The following POLR3B variants were observed in gnomAD, a reference collection of about 807,000 sequenced individuals.
POLR3B encodes DNA-directed RNA polymerase III subunit RPC2.
In POLR3B, 96 loss-of-function variants were observed where a neutral mutation model predicts 147.4. The observed-to-expected ratio is 0.65, with a 90% confidence interval of 0.55 to 0.77. The LOEUF is 0.77. POLR3B is among the 30% of genes least tolerant of loss of function. The pLI, the probability that POLR3B is intolerant of heterozygous loss-of-function variation, is 0.00. For synonymous variants in POLR3B, 461 were observed against 485.9 expected, an observed-to-expected ratio of 0.95 and a Z score of 0.67; for missense variants, 1,036 against 1,413.5, an observed-to-expected ratio of 0.73 and a Z score of 4.28.
intron 27 of POLR3B, among the ~76,000 whole-genome samples, chr12:106,506,538 C>G (rs1326602775): frequency 1.3e-5 from 2 of 152,214 alleles, no homozygotes; most frequent in Non-Finnish European, 2.9e-5. Context: ...ATTGATCCTT[C>G]AGCATTATTC....
intron 23 of POLR3B, among the ~76,000 whole-genome samples, chr12:106,485,574 A>T (rs889682622): frequency 4.6e-5 from 7 of 152,114 alleles, no homozygotes; most frequent in African/African-American, 1.7e-4. Context: ...TTCTGGACAT[A>T]CTCTGGAGAT....
chr12:106,505,745 G>A (rs879883622), intron 27 of POLR3B, among the ~76,000 whole-genome samples: 8 of 152,118 alleles, frequency 5.3e-5, no homozygotes, highest in Non-Finnish European at 1.0e-4. Flanking sequence ...GGCCCAAATA[G>A]CATTCATTGC....
intron 14 of POLR3B, among the ~76,000 whole-genome samples, chr12:106,431,556 T>C (rs969826641): frequency 7.9e-5 from 12 of 152,226 alleles, no homozygotes; most frequent in African/African-American, 2.9e-4. Flanking sequence ...AGATTTCTTT[T>C]CTTTTCATTT....
chr12:106,358,633 T>A (rs1196463028), intron 1 of POLR3B, among the ~76,000 whole-genome samples: 8 of 152,072 alleles, frequency 5.3e-5, no homozygotes. Flanking sequence ...TGACGTGGAA[T>A]AGGGAAGTGG....
intron 23 of POLR3B, among the ~76,000 whole-genome samples, chr12:106,487,638 A>G (rs74352801): frequency 0.041 from 4,369 of 107,636 alleles, 183 homozygotes; most frequent in African/African-American, 0.14. Flanking sequence ...TCGGTGCCCA[A>G]TGCCTCTTCA....
At chr12:106,459,100 CACTGCAGCCTCA>C (rs2037901739) in intron 21 of POLR3B, 139 bp from the exon 22 acceptor site, 1 of 649,950 alleles carries the variant, frequency 1.5e-6, no homozygotes. Context: ...GACCATAGCT[CACTGCAGCCTCA>C]ACCTAGGTTC....
intron 23 of POLR3B, among the ~76,000 whole-genome samples, chr12:106,488,851 T>TA (rs1297341580): frequency 3.9e-5 from 6 of 152,146 alleles, no homozygotes; most frequent in Non-Finnish European, 7.4e-5. Flanking sequence ...CTACTCCTTT[T>TA]AAAAAAAATC....
chr12:106,398,723 G>C (rs556181584), intron 10 of POLR3B, among the ~76,000 whole-genome samples: 4 of 152,106 alleles, frequency 2.6e-5, no homozygotes, highest in Non-Finnish European at 4.4e-5. Context: ...AGGCAAACAG[G>C]GTCTGGAGTG....
At chr12:106,411,112 C>A in intron 12 of POLR3B, 152 bp downstream of exon 12, 1 of 681,424 alleles carries the variant, frequency 1.5e-6, no homozygotes, top group Non-Finnish European at 2.5e-6. Context: ...CCTAGAATTC[C>A]TTTAACTATA....
chr12:106,366,421 T>C, intron 2 of POLR3B, 95 bp from the exon 3 acceptor site: 1 of 783,242 alleles, frequency 1.3e-6, no homozygotes, highest in Non-Finnish European at 2.2e-6. Flanking sequence ...GTTCACCTAT[T>C]ATTAGATTCC....
intron 12 of POLR3B, among the ~76,000 whole-genome samples, chr12:106,415,918 C>T (rs2037296135): frequency 6.6e-6 from 1 of 152,120 alleles, no homozygotes; most frequent in Non-Finnish European, 1.5e-5. Flanking sequence ...CCTATACTGT[C>T]CTCTATCCTT....
intron 18 of POLR3B, among the ~76,000 whole-genome samples, chr12:106,441,853 G>C (rs1343234581): frequency 6.6e-6 from 1 of 152,190 alleles, no homozygotes; most frequent in African/African-American, 2.4e-5. Flanking sequence ...GGCCAAGGCA[G>C]GCAGATCACC....
chr12:106,454,291 T>G (rs572560778), intron 19 of POLR3B, among the ~76,000 whole-genome samples: 2 of 152,316 alleles, frequency 1.3e-5, no homozygotes, highest in East Asian at 3.9e-4. Context: ...ACTTTATATT[T>G]TTCCTTCTTT....
At chr12:106,429,355 T>C (rs1052199757) in intron 13 of POLR3B, among the ~76,000 whole-genome samples, 5 of 152,154 alleles carry the variant, frequency 3.3e-5, no homozygotes, top group Non-Finnish European at 5.9e-5. Flanking sequence ...GGCAGGCTGG[T>C]CTTGAACTCC....
chr12:106,360,572 A>T (rs186423351), intron 1 of POLR3B, among the ~76,000 whole-genome samples: 1 of 152,236 alleles, frequency 6.6e-6, no homozygotes, highest in Admixed American at 6.5e-5. Context: ...AAACTTTCCA[A>T]CTTCAGTGTT....
intron 18 of POLR3B, among the ~76,000 whole-genome samples, chr12:106,438,030 A>C (rs147582047): frequency 7.9e-4 from 120 of 152,182 alleles, no homozygotes; most frequent in African/African-American, 2.8e-3. Context: ...ATTTATCTTG[A>C]TGCTCTTCCT....
intron 12 of POLR3B, among the ~76,000 whole-genome samples, chr12:106,421,263 T>C (rs2037370240): frequency 6.6e-6 from 1 of 152,094 alleles, no homozygotes; most frequent in Non-Finnish European, 1.5e-5. Flanking sequence ...GGCATTCTTA[T>C]TTATATCTCC....
chr12:106,486,028 G>T (rs937590440), intron 23 of POLR3B, among the ~76,000 whole-genome samples: 1 of 152,000 alleles, frequency 6.6e-6, no homozygotes, highest in Admixed American at 6.6e-5. Context: ...GGTGGCTCAC[G>T]CCTGTAATCC....
At chr12:106,390,658 T>G (rs1040085950) in intron 9 of POLR3B, among the ~76,000 whole-genome samples, 5 of 149,054 alleles carry the variant, frequency 3.4e-5, no homozygotes, top group Admixed American at 2.7e-4. Flanking sequence ...AAAAAAAGAC[T>G]GCTAAAACTA....
Sources: allele counts gnomAD v4.1 joint callset (sites outside exome capture counted in the v4.1 genomes callset), GRCh38; gene constraint gnomAD v4.1.1; transcripts MANE v1.5; gene names NCBI Gene and HGNC (gene_info 2026-07-23, HGNC 2026-07-21).